FGD5: variants seen among roughly 807,000 people sequenced by gnomAD.
FGD5 encodes the protein FYVE, RhoGEF and PH domain containing 5, also known as FYVE, RhoGEF and PH domain-containing protein 5.
Under a neutral mutation model 133.4 loss-of-function variants are expected in FGD5, and 28 were observed. That is an observed-to-expected ratio of 0.21 (90% CI 0.16 to 0.29). The LOEUF (loss-of-function observed/expected upper bound fraction) is 0.29, where lower values mean the gene tolerates loss of function less well. FGD5 is among the 10% of genes least tolerant of loss of function. The probability of loss-of-function intolerance (pLI) is 1.00; values close to 1 mark genes in which losing one functional copy is unlikely to be tolerated. For missense variants in FGD5, 1,858 were observed against 1,895.2 expected, an observed-to-expected ratio of 0.98 and a Z score of 0.36; for synonymous variants, 810 against 776.5, an observed-to-expected ratio of 1.04 and a Z score of -0.72.
chr3:14,811,035 G>C (rs1327729490), intron 1 of FGD5, among the ~76,000 whole-genome samples: 2 of 150,490 alleles, frequency 1.3e-5, no homozygotes, highest in Non-Finnish European at 3.0e-5. Flanking sequence ...TCCTCTCGCC[G>C]AGGAGGCTGA....
chr3:14,898,084 C>G lies in FGD5; in HGVS notation c.3055C>G (p.Arg1019Gly). 1 of 1,613,970 alleles carries G rather than the reference C, an allele frequency of 6.2e-7. No homozygotes were observed. The highest frequency in any genetic ancestry group is 1.1e-5 in the South Asian group (1 of 91,076). ...LHSPRLAAAV[R>G]EFEQSVQGGS... ...CTCTCCCCGGCTGGCAGCTGCTGTC[C>G]GTGAATTTGAGGTGGGTCCCTTGGT... Residue 1019 changes from arginine to glycine, a missense_variant, in exon 6 of 20, where the codon CGT becomes GGT. By Grantham distance (125) the Arg-to-Gly change is moderately radical. This residue lies in a region of FGD5 where 1,824 missense variants were observed against 1,848.9 expected (regional missense o/e 0.99). Transcript: ENST00000285046.
chr3:14,853,516 G>GGAGGGGCTGGGA (rs1559480699), intron 1 of FGD5, among the ~76,000 whole-genome samples: 1 of 151,890 alleles, frequency 6.6e-6, no homozygotes, highest in Admixed American at 6.6e-5. Flanking sequence ...AGCCTGTCTC[G>GGAGGGGCTGGGA]GAGGGGCTGG....
At chr3:14,843,813 C>T (rs1282962352) in intron 1 of FGD5, among the ~76,000 whole-genome samples, 1 of 151,200 alleles carries the variant, frequency 6.6e-6, no homozygotes, top group East Asian at 2.0e-4. Flanking sequence ...GCCTCAACCT[C>T]CTGAGTAGCT....
chr3:14,898,192 T>C, intron 6 of FGD5, 97 bp downstream of exon 6: 1 of 1,502,138 alleles, frequency 6.7e-7, no homozygotes, highest in Non-Finnish European at 9.1e-7. Flanking sequence ...TTGGTAGGTG[T>C]GGGGCTGGGG....
chr3:14,924,385 C>G (rs1234615400), intron 17 of FGD5, among the ~76,000 whole-genome samples: 1 of 152,092 alleles, frequency 6.6e-6, no homozygotes, highest in Non-Finnish European at 1.5e-5. Context: ...TTCTCCTGCC[C>G]CATAGCTTAG....
Position 14,910,881 on chromosome 3 carries a change from G to A in FGD5, c.3357G>A (p.Thr1119=), listed in dbSNP as rs1401502930. 26 of 1,613,258 alleles carry A rather than the reference G, an allele frequency of 1.6e-5. No homozygotes were observed. Among genetic ancestry groups the A allele is most frequent in the Admixed American group, 6.7e-5 (4 of 59,936 alleles). Residue 1119 remains threonine, a synonymous_variant, in exon 11 of 20, where the codon ACG becomes ACA. Coordinates refer to ENST00000285046, the MANE Select transcript of FGD5 (RefSeq NM_152536.4). ...QPGREFLKEG[T]LMKVTGKNRR... ...CACAGGAGTTTCTGAAGGAAGGGACGCTGATGAAAGTAACAGGGAAAAACA... is the reference window on the plus strand; with the variant it reads ...CACAGGAGTTTCTGAAGGAAGGGACACTGATGAAAGTAACAGGGAAAAACA...
At chr3:14,906,244 T>C (rs901569559) in intron 9 of FGD5, among the ~76,000 whole-genome samples, 1 of 152,226 alleles carries the variant, frequency 6.6e-6, no homozygotes, top group African/African-American at 2.4e-5. Context: ...CATGCCTACA[T>C]CTGAAGCAGG....
chr3:14,827,414 G>A (rs899311267), intron 1 of FGD5, among the ~76,000 whole-genome samples: 1 of 150,348 alleles, frequency 6.7e-6, no homozygotes, highest in Non-Finnish European at 1.5e-5. Context: ...TCAGCCTCCC[G>A]AGTAGCTGAG....
chr3:14,863,792 CT>C (rs2037444004), intron 1 of FGD5, among the ~76,000 whole-genome samples: 2 of 152,256 alleles, frequency 1.3e-5, no homozygotes, highest in South Asian at 4.1e-4. Flanking sequence ...ACCCTGCCGC[CT>C]GACCAGGCCA....
chr3:14,854,673 G>A (rs1221041993), intron 1 of FGD5, among the ~76,000 whole-genome samples: 2 of 152,116 alleles, frequency 1.3e-5, no homozygotes, highest in Non-Finnish European at 2.9e-5. Flanking sequence ...TCCCGCCTCA[G>A]CCTTCCAAAG....
At chr3:14,926,751 G>A (rs1300708383) in intron 18 of FGD5, among the ~76,000 whole-genome samples, 3 of 152,148 alleles carry the variant, frequency 2.0e-5, no homozygotes, top group African/African-American at 4.8e-5. Context: ...GTGTAGCAGG[G>A]TGCTGTCTGG....
At position 14,821,353 on chromosome 3, in the gene FGD5, C is replaced by T; in HGVS notation, c.2282C>T (p.Pro761Leu). 7 of 1,613,988 alleles carry T rather than the reference C, an allele frequency of 4.3e-6. No individual in the cohort carries two copies. The highest frequency in any genetic ancestry group is 5.9e-6 in the Non-Finnish European group (7 of 1,179,896). ...TTCCTGCCCTTGCCACTGACCAAGCCACGGTCCATCTCCTTCCCCAGCGCT... is the reference window on the plus strand; with the variant it reads ...TTCCTGCCCTTGCCACTGACCAAGCTACGGTCCATCTCCTTCCCCAGCGCT... ...PPFLPLPLTK[P>L]RSISFPSADT... The change falls in exon 1 of 20, where the codon CCA becomes CTA. Residue 761 changes from proline (P) to leucine (L), a missense_variant. Pro to Leu is a moderately conservative substitution (Grantham distance 98, BLOSUM62 -3). Around this residue, in one of 3 missense-constraint regions of FGD5, gnomAD observed 1,824 missense variants for 1,848.9 expected, o/e 0.99. Transcript: ENST00000285046.
upstream of FGD5, among the ~76,000 whole-genome samples, chr3:14,814,332 G>T (rs1336720194): frequency 6.6e-6 from 1 of 152,174 alleles, no homozygotes; most frequent in Admixed American, 6.5e-5. Context: ...GCTCTATCCA[G>T]GTGGAGCCTA....
At chr3:14,852,201 A>G (rs1039806743) in intron 1 of FGD5, among the ~76,000 whole-genome samples, 4 of 152,262 alleles carry the variant, frequency 2.6e-5, no homozygotes, top group East Asian at 1.9e-4. Flanking sequence ...TCAAATGTCT[A>G]TCAGTTGAAT....
intron 2 of FGD5, among the ~76,000 whole-genome samples, chr3:14,877,317 G>T (rs781519232): frequency 2.0e-5 from 3 of 152,192 alleles, no homozygotes; most frequent in Non-Finnish European, 2.9e-5. Context: ...AAGCAGGACT[G>T]CCCCGTGCGT....
chr3:14,894,330 G>A (rs1341833364), intron 4 of FGD5, among the ~76,000 whole-genome samples: 1 of 151,930 alleles, frequency 6.6e-6, no homozygotes, highest in East Asian at 1.9e-4. Flanking sequence ...TGTATATATT[G>A]CCACATTTTC....
chr3:14,886,465 C>G (rs924252391), intron 4 of FGD5, among the ~76,000 whole-genome samples: 1 of 152,232 alleles, frequency 6.6e-6, no homozygotes, highest in Non-Finnish European at 1.5e-5. Flanking sequence ...AAGTTCACAA[C>G]TGGCACATCA....
upstream of FGD5, among the ~76,000 whole-genome samples, chr3:14,817,326 G>A (rs2036385271): frequency 6.6e-6 from 1 of 152,098 alleles, no homozygotes; most frequent in Admixed American, 6.5e-5. Context: ...CTCCTGAGTA[G>A]CTGAGACTAC....
intron 18 of FGD5, 68 bp from the exon 19 acceptor site, chr3:14,932,509 G>A: frequency 6.6e-7 from 1 of 1,524,858 alleles, no homozygotes; most frequent in South Asian, 1.3e-5. Context: ...ATCTCAGATT[G>A]GAGATAACAG....
Sources: gnomAD v4.1 joint callset for allele counts (sites outside exome capture counted in the v4.1 genomes callset) on GRCh38, gnomAD v4.1.1 for gene constraint, gnomAD v4.1.1 regional missense constraint, MANE v1.5 for transcripts, NCBI Gene and HGNC (gene_info 2026-07-23, HGNC 2026-07-21) for gene names.